Variants in AXDND1 observed in about 807,000 individuals in gnomAD.
AXDND1 encodes axonemal dynein light chain domain containing 1.
A neutral mutation model predicts 137.5 loss-of-function variants in AXDND1; 110 were observed. The observed-to-expected ratio is 0.80, with a 90% confidence interval of 0.69 to 0.94. The LOEUF is 0.94. AXDND1 is among the 40% of genes least tolerant of loss of function. The probability of loss-of-function intolerance (pLI) is 0.00; values close to 1 mark genes in which losing one functional copy is unlikely to be tolerated. For missense variants in AXDND1, 1,191 were observed against 1,169.8 expected, an observed-to-expected ratio of 1.02 and a Z score of -0.26; for synonymous variants, 414 against 399.7, an observed-to-expected ratio of 1.04 and a Z score of -0.43.
At chr1:179,465,624 G>A (rs952420715) in intron 16 of AXDND1, among the ~76,000 whole-genome samples, 1 of 152,174 alleles carries the variant, frequency 6.6e-6, no homozygotes, top group African/African-American at 2.4e-5. Flanking sequence ...CTCTGTGCTG[G>A]GAGAACCACT....
rs768911516 is a variant in AXDND1 at position 179,492,859 on chromosome 1, T to C, written c.2296T>C (p.Cys766Arg). Residue 766 changes from cysteine (C) to arginine (R), a missense_variant, in exon 20 of 26, where the codon TGC becomes CGC. Coordinates refer to ENST00000367618, the MANE Select transcript of AXDND1 (RefSeq NM_144696.6). ...TTTTTTTCCCCCTTTTTGCAGTTGT[T>C]GCAAAGGGATGGTAACAGCAATGGC... Reference protein sequence around the residue: ...YQYSSYLSSCCKGMVTAMALS... With the variant: ...YQYSSYLSSCRKGMVTAMALS... The C allele has an allele frequency of 1.1e-5, 17 of 1,596,794 alleles. No individual in the cohort carries two copies. The East Asian group carries it at 3.8e-4, about 36-fold the overall frequency.
chr1:179,476,649 T>G (rs1018007820), intron 17 of AXDND1, among the ~76,000 whole-genome samples: 6 of 152,202 alleles, frequency 3.9e-5, no homozygotes, highest in Admixed American at 6.5e-5. Flanking sequence ...CATTTTTTTC[T>G]TCTTTAGGCA....
intron 11 of AXDND1, among the ~76,000 whole-genome samples, chr1:179,408,301 T>C (rs1653291747): frequency 6.6e-6 from 1 of 152,196 alleles, no homozygotes; most frequent in Non-Finnish European, 1.5e-5. Flanking sequence ...TAGATAATTA[T>C]TTTTTCATGT....
At chr1:179,411,951 A>C (rs1046547889) in intron 12 of AXDND1, among the ~76,000 whole-genome samples, 1 of 151,964 alleles carries the variant, frequency 6.6e-6, no homozygotes, top group Non-Finnish European at 1.5e-5. Context: ...TCCTGGGCTC[A>C]AGCAATTCTC....
chr1:179,521,375 G>C (rs1244554875), intron 21 of AXDND1, among the ~76,000 whole-genome samples: 1 of 152,038 alleles, frequency 6.6e-6, no homozygotes, highest in South Asian at 2.1e-4. Context: ...GGGTTTTCTA[G>C]ATACTTAATC....
intron 25 of AXDND1, among the ~76,000 whole-genome samples, chr1:179,553,574 C>G (rs1318587150): frequency 1.3e-5 from 2 of 152,158 alleles, no homozygotes; most frequent in African/African-American, 4.8e-5. Flanking sequence ...GAGACAGAAA[C>G]TAAATTAGTG....
At chr1:179,390,352 G>C (rs1348424825) in intron 9 of AXDND1, among the ~76,000 whole-genome samples, 1 of 151,934 alleles carries the variant, frequency 6.6e-6, no homozygotes, top group Non-Finnish European at 1.5e-5. Context: ...ATTCTGTTAT[G>C]GTATTTATAA....
intron 16 of AXDND1, chr1:179,451,837 A>G (rs1240795523): frequency 6.5e-6 from 1 of 153,444 alleles, no homozygotes; most frequent in East Asian, 1.9e-4. Context: ...TATAAGTCCA[A>G]TAAACCCCTT....
intron 20 of AXDND1, chr1:179,506,842 T>C (rs1462868917): frequency 1.0e-6 from 1 of 985,340 alleles, no homozygotes; most frequent in Non-Finnish European, 1.2e-6. Context: ...GAGATAGCAC[T>C]GCCGGTTCCA....
intron 20 of AXDND1, among the ~76,000 whole-genome samples, chr1:179,501,040 A>T (rs2125611144): frequency 6.6e-6 from 1 of 152,316 alleles, no homozygotes; most frequent in South Asian, 2.1e-4. Flanking sequence ...TTAATAGTAC[A>T]TGTTGCTACC....
chr1:179,540,130 G>A (rs1301218420), intron 25 of AXDND1, among the ~76,000 whole-genome samples: 2 of 151,920 alleles, frequency 1.3e-5, no homozygotes, highest in African/African-American at 4.8e-5. Flanking sequence ...CTTGAGATGG[G>A]TTAGAACATG....
At chr1:179,445,580 TGG>T (rs1659620364) in intron 16 of AXDND1, among the ~76,000 whole-genome samples, 1 of 152,210 alleles carries the variant, frequency 6.6e-6, no homozygotes, top group Admixed American at 6.5e-5. Context: ...TTCCCTGTTC[TGG>T]ACTTTCATGT....
chr1:179,471,212 G>A (rs1321427317), intron 17 of AXDND1, among the ~76,000 whole-genome samples: 1 of 151,888 alleles, frequency 6.6e-6, no homozygotes, highest in Non-Finnish European at 1.5e-5. Context: ...TCTTCGCCTG[G>A]TGTTATATCA....
chr1:179,421,994 T>G (rs925860472), intron 12 of AXDND1, among the ~76,000 whole-genome samples: 1 of 150,996 alleles, frequency 6.6e-6, no homozygotes, highest in African/African-American at 2.4e-5. Context: ...GAGCCAAGAT[T>G]GTGCCATTGC....
intron 12 of AXDND1, among the ~76,000 whole-genome samples, chr1:179,412,770 C>G (rs1654088180): frequency 6.6e-6 from 1 of 152,114 alleles, no homozygotes; most frequent in Admixed American, 6.5e-5. Flanking sequence ...AGCAAAATCT[C>G]TTTAAAATTT....
chr1:179,522,824 TC>T (rs1210326941), intron 21 of AXDND1, among the ~76,000 whole-genome samples: 1 of 145,164 alleles, frequency 6.9e-6, no homozygotes, highest in African/African-American at 2.5e-5. Context: ...TGTAAAAATA[TC>T]CTAATTTTTT....
intron 16 of AXDND1, among the ~76,000 whole-genome samples, chr1:179,457,640 G>A (rs1423760166): frequency 6.6e-6 from 1 of 151,952 alleles, no homozygotes; most frequent in Middle Eastern, 3.2e-3. Context: ...TTTTCAGTTC[G>A]TCTAAGAAAG....
intron 15 of AXDND1, among the ~76,000 whole-genome samples, chr1:179,441,227 A>G (rs1277016088): frequency 6.6e-6 from 1 of 152,184 alleles, no homozygotes; most frequent in Non-Finnish European, 1.5e-5. Flanking sequence ...AGCAAGGACA[A>G]AGTCCTGCGT....
At chr1:179,403,936 A>G (rs571269353) in intron 11 of AXDND1, among the ~76,000 whole-genome samples, 1 of 152,312 alleles carries the variant, frequency 6.6e-6, no homozygotes, top group East Asian at 1.9e-4. Context: ...GGTGGCTACA[A>G]AAGTATTACA....
Sources: allele counts gnomAD v4.1 joint callset (sites outside exome capture counted in the v4.1 genomes callset), GRCh38; gene constraint gnomAD v4.1.1; transcripts MANE v1.5; gene names NCBI Gene and HGNC (gene_info 2026-07-23, HGNC 2026-07-21).